CLCA1: variants seen among roughly 807,000 people sequenced by gnomAD.
CLCA1 encodes calcium-activated chloride channel regulator 1.
CLCA1 carries 59 observed loss-of-function variants against 85.6 expected under a neutral mutation model. The observed-to-expected ratio is 0.69, with a 90% CI of 0.56 to 0.86. CLCA1 has a LOEUF of 0.86. Among genes scored for constraint, CLCA1 ranks in the 40% least tolerant of loss-of-function variants. The pLI, the probability that CLCA1 is intolerant of heterozygous loss-of-function variation, is 0.00. For missense variants in CLCA1, 1,022 were observed against 1,101.4 expected, an observed-to-expected ratio of 0.93 and a Z score of 1.02; for synonymous variants, 396 against 398.3, an observed-to-expected ratio of 0.99 and a Z score of 0.07.
intron 5 of CLCA1, among the ~76,000 whole-genome samples, chr1:86,484,648 G>C (rs531294042): frequency 6.6e-6 from 1 of 152,252 alleles, no homozygotes; most frequent in East Asian, 1.9e-4. Flanking sequence ...TCTGAGGGAG[G>C]GACTGTGATG....
At position 86,485,666 on chromosome 1, in the gene CLCA1, T is replaced by G; in HGVS notation, c.954+105T>G. ...AATAAACATAACCCGAGGGCCAGAA[T>G]AGTTATAACTGTAACATTGTCTTCA... On this transcript the variant is annotated intron_variant, in intron 6 of 13. Transcript: ENST00000394711. 5 of 928,558 alleles carry G rather than the reference T, an allele frequency of 5.4e-6. No homozygotes were observed. The Admixed American group carries it at 1.1e-4, about 20-fold the overall frequency. 57.5% of individuals were successfully genotyped at this position (928,558 alleles called of 1,614,324 possible). A position where few individuals can be genotyped will look rare whatever the true frequency, so the allele number is the denominator to read the frequency against.
chr1:86,491,790 G>T (rs2101744736), intron 9 of CLCA1, among the ~76,000 whole-genome samples: 1 of 152,292 alleles, frequency 6.6e-6, no homozygotes, highest in East Asian at 1.9e-4. Flanking sequence ...TGTTTGCCAA[G>T]ATTTACATAT....
At chr1:86,495,438 T>C in intron 11 of CLCA1, 67 bp from the exon 12 acceptor site, 1 of 1,296,926 alleles carries the variant, frequency 7.7e-7, no homozygotes, top group Middle Eastern at 2.3e-4. Context: ...ATAGCCTACA[T>C]ATGAGTTGGA....
chr1:86,494,451 A>T lies in CLCA1; in HGVS notation c.1942+3A>T. 4 of 1,612,998 alleles carry T rather than the reference A, an allele frequency of 2.5e-6. No homozygotes were observed. Among genetic ancestry groups the T allele is most frequent in the Non-Finnish European group, 2.5e-6 (3 of 1,179,114 alleles). ...GGAACTACTGGATAATGGAGCAGGTAATCACCCAAGAAATTGGAAGATATT... is the reference window on the plus strand; with the variant it reads ...GGAACTACTGGATAATGGAGCAGGTTATCACCCAAGAAATTGGAAGATATT... On this transcript the variant is annotated splice_donor_region_variant and intron_variant, in intron 11 of 13. Transcript: ENST00000394711.
intron 1 of CLCA1, among the ~76,000 whole-genome samples, chr1:86,472,528 C>G (rs2101727099): frequency 6.6e-6 from 1 of 152,280 alleles, no homozygotes; most frequent in East Asian, 1.9e-4. Context: ...AAATGGTTTT[C>G]AGTCCTAACA....
chr1:86,493,740 T>A (rs1448552066), intron 10 of CLCA1, 141 bp downstream of exon 10: 4 of 672,060 alleles, frequency 6.0e-6, no homozygotes, highest in Non-Finnish European at 2.5e-6. Flanking sequence ...GGAAAAAAAA[T>A]CTCCATCCAA....
At chr1:86,473,695 T>C in intron 2 of CLCA1, 34 bp from the exon 3 acceptor site, 1 of 1,550,446 alleles carries the variant, frequency 6.4e-7, no homozygotes, top group Non-Finnish European at 8.7e-7. Context: ...TTGCTGAAAC[T>C]TTGTGATGAT....
intron 5 of CLCA1, among the ~76,000 whole-genome samples, chr1:86,482,633 T>C (rs1647850438): frequency 6.6e-6 from 1 of 152,222 alleles, no homozygotes; most frequent in Non-Finnish European, 1.5e-5. Flanking sequence ...AGGATTACTT[T>C]AAATACTCAC....
chr1:86,492,511 G>A (rs181850349), intron 9 of CLCA1, among the ~76,000 whole-genome samples: 30 of 152,240 alleles, frequency 2.0e-4, no homozygotes, highest in East Asian at 1.7e-3. Flanking sequence ...ATAGCCCTTC[G>A]CTTTCTCCAC....
intron 6 of CLCA1, 149 bp from the exon 7 acceptor site, chr1:86,486,377 A>C: frequency 1.5e-6 from 1 of 646,478 alleles, no homozygotes; most frequent in Non-Finnish European, 2.6e-6. Flanking sequence ...AATATAAATA[A>C]GAAATTTTTC....
At chr1:86,474,243 T>A (rs752035053) in intron 3 of CLCA1, among the ~76,000 whole-genome samples, 8 of 152,260 alleles carry the variant, frequency 5.3e-5, no homozygotes, top group African/African-American at 7.2e-5. Context: ...CCAGATGGCG[T>A]ATATGTGCAG....
chr1:86,498,657 G>A lies in CLCA1; in HGVS notation c.2199G>A (p.Ser733=), dbSNP rs750807271. The A allele has an allele frequency of 1.7e-5, 28 of 1,613,770 alleles. No individual in the cohort carries two copies. The highest frequency in any genetic ancestry group is 2.1e-5 in the Non-Finnish European group (25 of 1,179,998). Residue 733 remains serine (S), a synonymous_variant, in exon 13 of 14, where the codon TCG becomes TCA. Transcript: ENST00000394711. ...AAGTGTGTTTCAGCAGAACATCCTCGGGAGGCTCATTTGTGGCTTCTGATG... is the reference window on the plus strand; with the variant it reads ...AAGTGTGTTTCAGCAGAACATCCTCAGGAGGCTCATTTGTGGCTTCTGATG... ...HKQVCFSRTS[S]GGSFVASDVP... is the part of the protein sequence containing the mutation.
chr1:86,479,266 C>A (rs891645507), intron 4 of CLCA1, among the ~76,000 whole-genome samples: 1 of 152,104 alleles, frequency 6.6e-6, no homozygotes, highest in African/African-American at 2.4e-5. Flanking sequence ...TACTTCAAGA[C>A]AGCAATGAAA....
At position 86,491,302 on chromosome 1, in the gene CLCA1, C is replaced by T. The variant is rs768124704; in HGVS notation, c.1395C>T (p.Asn465=). The T allele has an allele frequency of 8.1e-6, 13 of 1,613,426 alleles. No homozygotes were observed. The Admixed American group carries it at 2.2e-4, about 27-fold the overall frequency. Residue 465 remains asparagine, a synonymous_variant, in exon 9 of 14, where the codon AAC becomes AAT. Transcript: ENST00000394711. ...CATATGCTTCAGATCAAGTTCAGAA[C>T]AATGGCCTCATTGATGCTTTTGGGG... The part of the protein sequence containing the change: ...LQTYASDQVQ[N]NGLIDAFGAL...
chr1:86,496,187 GT>G (rs1648279017), intron 12 of CLCA1, among the ~76,000 whole-genome samples: 1 of 152,122 alleles, frequency 6.6e-6, no homozygotes, highest in African/African-American at 2.4e-5. Context: ...TTTAATAAAG[GT>G]TTTATCATTA....
intron 7 of CLCA1, among the ~76,000 whole-genome samples, chr1:86,487,106 C>T (rs1170819095): frequency 1.3e-5 from 2 of 152,222 alleles, no homozygotes; most frequent in Non-Finnish European, 2.9e-5. Context: ...TGACCATTTC[C>T]TCAAGTGCTT....
At chr1:86,496,886 T>C (rs1219782452) in intron 12 of CLCA1, among the ~76,000 whole-genome samples, 3 of 152,136 alleles carry the variant, frequency 2.0e-5, no homozygotes, top group African/African-American at 4.8e-5. Flanking sequence ...CGTGCCACCA[T>C]GCCCAGCTAA....
chr1:86,468,980 A>AT lies in CLCA1; in HGVS notation c.12dup (p.Lys5Ter). On this transcript the variant is annotated frameshift_variant, in exon 1 of 14. Transcript: ENST00000394711. LOFTEE classifies it high-confidence loss of function. ...CAGGGAGATGTACAGCAATGGGGCCATTTAAGAGTTCTGTGTTCATCTTGA... is the reference window on the plus strand; with the variant it reads ...CAGGGAGATGTACAGCAATGGGGCCATTTTAAGAGTTCTGTGTTCATCTTGA... The AT allele has an allele frequency of 6.2e-7, 1 of 1,607,132 alleles. No individual in the cohort carries two copies. The highest frequency in any genetic ancestry group is 8.5e-7 in the Non-Finnish European group (1 of 1,176,640).
chr1:86,469,527 T>C (rs1647440349), intron 1 of CLCA1, among the ~76,000 whole-genome samples: 1 of 152,190 alleles, frequency 6.6e-6, no homozygotes, highest in African/African-American at 2.4e-5. Flanking sequence ...TTTATTCTCC[T>C]AATAGGAACC....
Sources: gnomAD v4.1 joint callset for allele counts (sites outside exome capture counted in the v4.1 genomes callset) on GRCh38, gnomAD v4.1.1 for gene constraint, MANE v1.5 for transcripts, NCBI Gene and HGNC (gene_info 2026-07-23, HGNC 2026-07-21) for gene names.